The following TRAPPC9 variants were observed in gnomAD, a reference collection of about 807,000 sequenced individuals.
TRAPPC9 encodes trafficking protein particle complex subunit 9.
A neutral mutation model predicts 124.0 loss-of-function variants in TRAPPC9; 83 were observed. The ratio of observed to expected loss-of-function variants is 0.67; its 90% confidence interval spans 0.56 to 0.80. TRAPPC9 has a LOEUF of 0.80. TRAPPC9 is among the 30% of genes least tolerant of loss of function. TRAPPC9 has a pLI of 0.00. For synonymous variants in TRAPPC9, 638 were observed against 617.5 expected (o/e 1.03, Z -0.49); for missense variants, 1,302 against 1,508.3 (o/e 0.86, Z 2.27).
chr8:139,951,821 A>C (rs2665919), intron 19 of TRAPPC9, among the ~76,000 whole-genome samples: 135,991 of 152,234 alleles, frequency 0.89, 60,896 homozygotes, highest in Middle Eastern at 0.99. Flanking sequence ...TGTTTCAAAT[A>C]GAATGCAAGT....
intron 17 of TRAPPC9, among the ~76,000 whole-genome samples, chr8:140,025,565 C>CAAAAAAAAAA (rs11329773): frequency 3.2e-5 from 4 of 123,830 alleles, no homozygotes; most frequent in African/African-American, 5.9e-5. Flanking sequence ...AAGCAAAATG[C>CAAAAAAAAAA]AAAAAAAAAA....
At chr8:140,318,712 CT>C (rs2066504794) in intron 9 of TRAPPC9, among the ~76,000 whole-genome samples, 1 of 152,214 alleles carries the variant, frequency 6.6e-6, no homozygotes, top group East Asian at 1.9e-4. Flanking sequence ...AATTTCTTCC[CT>C]TTTTACAGGT....
At chr8:140,458,456 G>A, upstream of TRAPPC9, 1 of 1,574,330 alleles carries the variant, frequency 6.4e-7, no homozygotes, top group African/African-American at 1.3e-5. Context: ...CGCGCGGCCT[G>A]GGAGCGCCTC....
intron 21 of TRAPPC9, among the ~76,000 whole-genome samples, chr8:139,759,622 G>A (rs969027983): frequency 9.2e-5 from 14 of 152,208 alleles, no homozygotes; most frequent in African/African-American, 3.4e-4. Flanking sequence ...GGCTGAGACA[G>A]ATGAGCGCTG....
At chr8:140,038,449 A>T (rs1272014563) in intron 17 of TRAPPC9, among the ~76,000 whole-genome samples, 1 of 152,236 alleles carries the variant, frequency 6.6e-6, no homozygotes, top group East Asian at 1.9e-4. Context: ...TGTGGGGAAC[A>T]AATAGGCTAT....
At chr8:140,319,915 T>G (rs1258253642) in intron 9 of TRAPPC9, among the ~76,000 whole-genome samples, 1 of 152,216 alleles carries the variant, frequency 6.6e-6, no homozygotes, top group East Asian at 1.9e-4. Context: ...GCATCACGAT[T>G]TCACAGTTAT....
At chr8:140,203,993 G>A (rs144524289) in intron 17 of TRAPPC9, among the ~76,000 whole-genome samples, 4 of 152,272 alleles carry the variant, frequency 2.6e-5, no homozygotes, top group East Asian at 1.9e-4. Context: ...AAAGATGGAC[G>A]ATGATATGGT....
chr8:140,013,629 G>A (rs761946387), intron 18 of TRAPPC9, among the ~76,000 whole-genome samples: 2 of 152,196 alleles, frequency 1.3e-5, no homozygotes, highest in Non-Finnish European at 2.9e-5. Context: ...GATGTCCTTC[G>A]GGAGTGCTGG....
At position 140,260,742 on chromosome 8, in the gene TRAPPC9, A is replaced by T. The variant is rs145810920; in HGVS notation, c.2279-7813T>A. Among the ~76,000 whole-genome samples, 42 of 152,324 alleles carry T rather than the reference A, an allele frequency of 2.8e-4. 1 individual carries two copies. The highest frequency in any genetic ancestry group is 9.6e-4 in the African/African-American group (40 of 41,570). ...TTAAAGAGGCAACTAAAAGTCAGAG[A>T]GTTTAAGCAACTTACCCAAAGCCCA... On this transcript the variant is annotated intron_variant, in intron 15 of 22. Coordinates refer to ENST00000438773, the MANE Select transcript of TRAPPC9 (RefSeq NM_001160372.4).
chr8:140,007,969 G>C (rs1162426433), intron 18 of TRAPPC9, among the ~76,000 whole-genome samples: 1 of 152,212 alleles, frequency 6.6e-6, no homozygotes, highest in East Asian at 1.9e-4. Flanking sequence ...TGGATAACAA[G>C]TGGATGACAC....
At chr8:140,435,339 T>C (rs1361182201) in intron 3 of TRAPPC9, 99 bp from the exon 4 acceptor site, 1 of 1,372,298 alleles carries the variant, frequency 7.3e-7, no homozygotes, top group East Asian at 2.3e-5. Context: ...CAAACTGCAG[T>C]AACTAACAAT....
At chr8:140,229,436 T>G (rs1399858256) in intron 16 of TRAPPC9, among the ~76,000 whole-genome samples, 1 of 151,504 alleles carries the variant, frequency 6.6e-6, no homozygotes, top group East Asian at 1.9e-4. Flanking sequence ...TAATTTTTTT[T>G]CGTATTTTTA....
intron 18 of TRAPPC9, among the ~76,000 whole-genome samples, chr8:140,000,970 T>C (rs536205013): frequency 6.6e-6 from 1 of 152,224 alleles, no homozygotes; most frequent in South Asian, 2.1e-4. Flanking sequence ...TAGCAAAGAC[T>C]TGAAATCAAC....
At chr8:139,827,947 C>T (rs576168433) in intron 21 of TRAPPC9, among the ~76,000 whole-genome samples, 4 of 152,196 alleles carry the variant, frequency 2.6e-5, no homozygotes, top group African/African-American at 4.8e-5. Flanking sequence ...AGAGGTGCCA[C>T]GCTCTTTCCA....
At chr8:140,345,088 T>C (rs1278793915) in intron 9 of TRAPPC9, among the ~76,000 whole-genome samples, 1 of 152,238 alleles carries the variant, frequency 6.6e-6, no homozygotes, top group Non-Finnish European at 1.5e-5. Flanking sequence ...CAGTCAGGCC[T>C]GCAGCACCCC....
At chr8:140,402,397 C>CAAAA (rs34659339) in intron 6 of TRAPPC9, among the ~76,000 whole-genome samples, 1 of 140,208 alleles carries the variant, frequency 7.1e-6, no homozygotes. Flanking sequence ...GACCCTGTCT[C>CAAAA]AAAAAAAAAA....
intron 20 of TRAPPC9, among the ~76,000 whole-genome samples, chr8:139,890,017 G>T (rs1830235569): frequency 6.6e-6 from 1 of 152,252 alleles, no homozygotes; most frequent in Admixed American, 6.5e-5. Context: ...CTGCCTTCCT[G>T]CATCTCCCAC....
intron 2 of TRAPPC9, among the ~76,000 whole-genome samples, chr8:140,445,243 C>T (rs996601099): frequency 6.6e-6 from 1 of 152,244 alleles, no homozygotes; most frequent in Admixed American, 6.5e-5. Context: ...CTCTTCCCCA[C>T]CTCTGTCTCT....
chr8:139,839,231 A>G (rs1190134932), intron 21 of TRAPPC9, among the ~76,000 whole-genome samples: 1 of 152,240 alleles, frequency 6.6e-6, no homozygotes, highest in African/African-American at 2.4e-5. Flanking sequence ...CTGCCACGCT[A>G]GACACTATGC....
Sources: gnomAD v4.1 joint callset for allele counts (sites outside exome capture counted in the v4.1 genomes callset) on GRCh38, gnomAD v4.1.1 for gene constraint, MANE v1.5 for transcripts, NCBI Gene and HGNC (gene_info 2026-07-23, HGNC 2026-07-21) for gene names.